The following TNRC6A variants were observed in gnomAD, a reference collection of about 807,000 sequenced individuals.
TNRC6A encodes trinucleotide repeat-containing gene 6A protein.
TNRC6A carries 44 observed loss-of-function variants against 221.2 expected under a neutral mutation model. That is an observed-to-expected ratio of 0.20 (90% CI 0.16 to 0.26). The LOEUF is 0.26. Ranked by LOEUF, TNRC6A falls within the 10% of genes least tolerant of loss-of-function variation. The probability of loss-of-function intolerance (pLI) is 1.00; values close to 1 mark genes in which losing one functional copy is unlikely to be tolerated. For synonymous variants in TNRC6A, 847 were observed against 838.5 expected, an observed-to-expected ratio of 1.01 and a Z score of -0.18; for missense variants, 2,199 against 2,404.4, an observed-to-expected ratio of 0.91 and a Z score of 1.79.
At chr16:24,642,150 G>A (rs749888148) in intron 2 of TNRC6A, among the ~76,000 whole-genome samples, 7 of 152,122 alleles carry the variant, frequency 4.6e-5, no homozygotes, top group South Asian at 2.1e-4. Context: ...GGGGGTAAAC[G>A]GCAACAAAAG....
rs982445847 is a variant in TNRC6A at position 24,804,917 on chromosome 16, A to G, written c.3984+66A>G. 21 of 1,613,686 alleles carry G rather than the reference A, an allele frequency of 1.3e-5. No homozygotes were observed. In the African/African-American group the frequency reaches 2.4e-4, roughly 18 times the overall value. On this transcript the variant is annotated intron_variant, in intron 13 of 24. Coordinates refer to ENST00000395799, the MANE Select transcript of TNRC6A (RefSeq NM_014494.4). ...TTGTATTAGTAATAAGATCTCTCTT[A>G]CATGTAGTTACTGTGTTTAAATCAT... is the stretch of plus-strand genomic sequence containing the variant.
chr16:24,779,150 A>G (rs1353217465), intron 5 of TNRC6A, among the ~76,000 whole-genome samples: 1 of 152,184 alleles, frequency 6.6e-6, no homozygotes, highest in Non-Finnish European at 1.5e-5. Context: ...AGAAGGCCTC[A>G]GGTGTGGGCA....
chr16:24,671,699 T>C (rs968685303), intron 2 of TNRC6A, among the ~76,000 whole-genome samples: 7 of 152,158 alleles, frequency 4.6e-5, no homozygotes, highest in Non-Finnish European at 5.9e-5. Context: ...ACAACTAGCC[T>C]GGATGAGCTC....
At chr16:24,797,806 T>C (rs981991390) in intron 10 of TNRC6A, 109 bp from the exon 11 acceptor site, 1 of 1,016,128 alleles carries the variant, frequency 9.8e-7, no homozygotes. Context: ...TGAAGCTTTA[T>C]GATCCACTTG....
intron 2 of TNRC6A, among the ~76,000 whole-genome samples, chr16:24,708,056 CA>C (rs749338303): frequency 1.1e-3 from 111 of 97,090 alleles, no homozygotes; most frequent in East Asian, 6.1e-3. Flanking sequence ...GAGACTCTGT[CA>C]AAAAAAAAAA....
rs1194061681 is a variant in TNRC6A at position 24,823,861 on chromosome 16, C to T, written c.*54C>T. The T allele has an allele frequency of 7.3e-7, 1 of 1,367,232 alleles. No individual in the cohort carries two copies. The highest frequency in any genetic ancestry group is 2.8e-5 in the East Asian group (1 of 36,228). 84.7% of individuals were successfully genotyped at this position (1,367,232 alleles called of 1,614,324 possible). A position where few individuals can be genotyped will look rare whatever the true frequency, so the allele number is the denominator to read the frequency against. On this transcript the variant is annotated 3_prime_UTR_variant, in exon 25 of 25. Coordinates refer to ENST00000395799, the MANE Select transcript of TNRC6A (RefSeq NM_014494.4). The surrounding 1 kb of genome is among the most constrained non-coding windows in gnomAD (Gnocchi z 4.3). Reference sequence around the variant, plus strand: ...ACCTCAGACGCGAGGGAAAGGAGCACTAAGTGGGGCTCGCCGCCTGCAGCC... The same window carrying T: ...ACCTCAGACGCGAGGGAAAGGAGCATTAAGTGGGGCTCGCCGCCTGCAGCC...
At chr16:24,776,718 C>T in intron 4 of TNRC6A, 1 of 985,330 alleles carries the variant, frequency 1.0e-6, no homozygotes, top group East Asian at 1.1e-4. Context: ...TCCCTGGGCC[C>T]TTATTGGGTA....
intron 2 of TNRC6A, among the ~76,000 whole-genome samples, chr16:24,683,531 A>C (rs1453878527): frequency 2.0e-5 from 3 of 152,104 alleles, no homozygotes; most frequent in Non-Finnish European, 2.9e-5. Flanking sequence ...GTGAGATGGT[A>C]GCTCAGGCAA....
At chr16:24,637,934 G>A (rs1221411662) in intron 1 of TNRC6A, among the ~76,000 whole-genome samples, 4 of 151,910 alleles carry the variant, frequency 2.6e-5, no homozygotes, top group East Asian at 1.9e-4. Flanking sequence ...ACCAGCTCGC[G>A]CCACCACACC....
intron 5 of TNRC6A, among the ~76,000 whole-genome samples, chr16:24,786,198 G>T (rs966072635): frequency 6.6e-6 from 1 of 152,154 alleles, no homozygotes; most frequent in Non-Finnish European, 1.5e-5. Flanking sequence ...AGGACTAAAA[G>T]ATGATAATCA....
rs553254630 is a variant in TNRC6A, at chr16:24,781,883, C to T, written c.589+4525C>T. Among the ~76,000 whole-genome samples the T allele has an allele frequency of 3.3e-5, 5 of 151,178 alleles. No individual in the cohort carries two copies. The South Asian group carries it at 1.0e-3, about 32-fold the overall frequency. On this transcript the variant is annotated intron_variant, in intron 5 of 24. Transcript: ENST00000395799. ...TGTTGCCCAGGCTGGAGTGCAGTGG[C>T]ACGATCTCGGCTCACTGCAAGCTCT...
At chr16:24,680,545 C>CA (rs2055511281) in intron 2 of TNRC6A, among the ~76,000 whole-genome samples, 1 of 151,890 alleles carries the variant, frequency 6.6e-6, no homozygotes, top group Admixed American at 6.6e-5. Context: ...AGTGAAACCT[C>CA]ATCTCTACTA....
intron 2 of TNRC6A, among the ~76,000 whole-genome samples, chr16:24,679,755 G>A (rs2055494051): frequency 6.6e-6 from 1 of 151,962 alleles, no homozygotes; most frequent in Admixed American, 6.6e-5. Context: ...AGGATTACAG[G>A]CGTGAGCCAC....
chr16:24,793,487 T>TG lies in TNRC6A; in HGVS notation c.3196dup (p.Glu1066GlyfsTer11), dbSNP rs1431797734. The stretch of plus-strand genomic sequence containing the variant: ...ACTTTCTAAAGGCTGGGGTGAGCCC[T>TG]GGGGGGAGCCTTCTACTCCAGCCAC... On this transcript the variant is annotated frameshift_variant, in exon 7 of 25. Coordinates refer to ENST00000395799, the MANE Select transcript of TNRC6A (RefSeq NM_014494.4). LOFTEE classifies it high-confidence loss of function. 4 of 1,498,012 alleles carry TG rather than the reference T, an allele frequency of 2.7e-6. No individual in the cohort carries two copies. The highest frequency in any genetic ancestry group is 2.1e-5 in the Admixed American group (1 of 48,654). The allele number at this position is 1,498,012 out of a possible 1,614,324, so 92.8% of individuals were successfully genotyped here.
intron 2 of TNRC6A, among the ~76,000 whole-genome samples, chr16:24,741,626 G>C (rs934630579): frequency 1.3e-5 from 2 of 152,108 alleles, no homozygotes; most frequent in Admixed American, 1.3e-4. Flanking sequence ...GATTTGCTCT[G>C]GTTTGCAATC....
chr16:24,649,098 T>C (rs1174421863), intron 2 of TNRC6A, among the ~76,000 whole-genome samples: 2 of 151,766 alleles, frequency 1.3e-5, no homozygotes, highest in Non-Finnish European at 2.9e-5. Context: ...CTGGGCAACA[T>C]AGTGAGACCC....
At chr16:24,784,312 A>G (rs1168291827) in intron 5 of TNRC6A, among the ~76,000 whole-genome samples, 2 of 151,650 alleles carry the variant, frequency 1.3e-5, no homozygotes, top group African/African-American at 4.8e-5. Flanking sequence ...AACACTTTTT[A>G]TTGATTTTTA....
chr16:24,646,040 T>C (rs977554460), intron 2 of TNRC6A, among the ~76,000 whole-genome samples: 1 of 151,986 alleles, frequency 6.6e-6, no homozygotes, highest in Non-Finnish European at 1.5e-5. Context: ...ATTTTGCATA[T>C]TGATTCATGT....
intron 2 of TNRC6A, among the ~76,000 whole-genome samples, chr16:24,703,178 C>G (rs144272788): frequency 1.3e-3 from 196 of 152,160 alleles, no homozygotes; most frequent in African/African-American, 4.6e-3. Flanking sequence ...AACCCACATT[C>G]TTTAACTATC....
Sources: allele counts gnomAD v4.1 joint callset (sites outside exome capture counted in the v4.1 genomes callset), GRCh38; gene constraint gnomAD v4.1.1; non-coding constraint Gnocchi (gnomAD v3.1); transcripts MANE v1.5; gene names NCBI Gene and HGNC (gene_info 2026-07-23, HGNC 2026-07-21).